Variants in APC observed in about 807,000 individuals in gnomAD.
APC encodes APC regulator of Wnt signaling pathway.
APC carries 72 observed loss-of-function variants against 247.0 expected under a neutral mutation model. That is an observed-to-expected ratio of 0.29 (90% CI 0.24 to 0.35). The LOEUF (loss-of-function observed/expected upper bound fraction) is 0.35. Among genes scored for constraint, APC ranks in the 10% least tolerant of loss-of-function variants. APC has a pLI of 1.00. For missense variants in APC, 3,400 were observed against 3,360.7 expected, an observed-to-expected ratio of 1.01 and a Z score of -0.29; for synonymous variants, 1,254 against 1,162.5, an observed-to-expected ratio of 1.08 and a Z score of -1.60.
At chr5:112,725,046 C>T (rs190354090) in intron 1 of APC, among the ~76,000 whole-genome samples, 1 of 152,170 alleles carries the variant, frequency 6.6e-6, no homozygotes, top group East Asian at 1.9e-4. Context: ...TGCAGTGGCA[C>T]AGTCTTGGCT....
chr5:112,781,739 T>C (rs1288824556), intron 6 of APC, among the ~76,000 whole-genome samples: 1 of 152,176 alleles, frequency 6.6e-6, no homozygotes, highest in Non-Finnish European at 1.5e-5. Flanking sequence ...TTTATTTTTT[T>C]TGTGACACTT....
At position 112,843,170 on chromosome 5, in the gene APC, C is replaced by T. The variant is rs1766514875; in HGVS notation, c.7576C>T (p.His2526Tyr). ...TAATGATGGAAGACCAGCAAAGCGCCATGATATTGCACGGTCTCATTCTGA... is the reference window on the plus strand; with the variant it reads ...TAATGATGGAAGACCAGCAAAGCGCTATGATATTGCACGGTCTCATTCTGA... The part of the protein sequence containing the change: ...EYNDGRPAKR[H>Y]DIARSHSESP... Residue 2526 changes from histidine to tyrosine, a missense_variant, in exon 16 of 16, where the codon CAT (histidine) becomes TAT (tyrosine). His to Tyr is a moderately conservative substitution (Grantham distance 83). Around this residue, in one of 9 missense-constraint regions of APC, gnomAD observed 1,788 missense variants for 1,649.5 expected, o/e 1.08. Coordinates refer to ENST00000257430, the MANE Select transcript of APC (RefSeq NM_000038.6). This position sits in a 1 kb window ranked among gnomAD's most constrained non-coding sequence, Gnocchi z 4.8. The T allele has an allele frequency of 6.2e-7, 1 of 1,613,338 alleles. No homozygotes were observed. The highest frequency in any genetic ancestry group is 1.1e-5 in the South Asian group (1 of 91,064).
chr5:112,724,940 T>C (rs1323454371), intron 1 of APC, among the ~76,000 whole-genome samples: 1 of 152,118 alleles, frequency 6.6e-6, no homozygotes, highest in Non-Finnish European at 1.5e-5. Flanking sequence ...AAAATACTAA[T>C]CTTGAAGGGT....
intron 5 of APC, chr5:112,778,564 T>TTTTTTA (rs1757955765): frequency 6.6e-6 from 1 of 151,616 alleles, no homozygotes; most frequent in African/African-American, 2.4e-5. Context: ...TTTTTTTTTT[T>TTTTTTA]GAGATGGAGT....
intron 8 of APC, among the ~76,000 whole-genome samples, chr5:112,814,994 C>T (rs541914346): frequency 1.8e-4 from 27 of 152,296 alleles, no homozygotes; most frequent in Non-Finnish European, 2.4e-4. Flanking sequence ...TCTTCTACTG[C>T]GGTGTTTATA....
chr5:112,828,508 A>G (rs1306874607), intron 13 of APC, among the ~76,000 whole-genome samples: 1 of 151,478 alleles, frequency 6.6e-6, no homozygotes, highest in Non-Finnish European at 1.5e-5. Context: ...GCTGGAGTGC[A>G]GTGGTGCGAT....
upstream of APC, among the ~76,000 whole-genome samples, chr5:112,737,695 G>C (rs954109176): frequency 2.0e-5 from 3 of 152,256 alleles, no homozygotes; most frequent in Admixed American, 1.3e-4. Flanking sequence ...GGCTAGGCAG[G>C]CTGTGCGGTT....
intron 1 of APC, 118 bp downstream of exon 1, chr5:112,738,043 C>A: frequency 1.5e-6 from 1 of 670,698 alleles, no homozygotes; most frequent in Non-Finnish European, 1.8e-6. Flanking sequence ...TGCAGCATGC[C>A]AAACGAGGAG....
chr5:112,773,323 G>A (rs978023598), intron 4 of APC, among the ~76,000 whole-genome samples: 3 of 152,098 alleles, frequency 2.0e-5, no homozygotes, highest in South Asian at 2.1e-4. Context: ...AGTGGGGAAC[G>A]TCTCTCTGTA....
upstream of APC, among the ~76,000 whole-genome samples, chr5:112,734,389 G>C (rs1234981541): frequency 2.0e-5 from 3 of 152,114 alleles, no homozygotes; most frequent in Non-Finnish European, 4.4e-5. Flanking sequence ...CTCTTCTTAG[G>C]CTTTTCCATC....
chr5:112,828,022 T>C lies in APC; in HGVS notation c.1626+16T>C. On this transcript the variant is annotated intron_variant, in intron 13 of 15. Transcript: ENST00000257430. ...CTTACAGCAGGTACTATTTAGAATT[T>C]CACCTGTTTTTCTTTTTTCTCTTTT... 6.2e-7 allele frequency: 1 copy of C among 1,607,232 alleles called. No homozygotes were observed. Among genetic ancestry groups the C allele is most frequent in the Non-Finnish European group, 8.5e-7 (1 of 1,175,444 alleles).
At chr5:112,764,730 G>A (rs1207236907) in intron 2 of APC, among the ~76,000 whole-genome samples, 3 of 152,144 alleles carry the variant, frequency 2.0e-5, no homozygotes, top group Non-Finnish European at 4.4e-5. Context: ...GGAAGCCTGA[G>A]AAATAAGGAT....
chr5:112,838,199 A>G lies in APC; in HGVS notation c.2605A>G (p.Asn869Asp), dbSNP rs2149873468. The change falls in exon 16 of 16, where the codon AAT (asparagine) becomes GAT (aspartate). Residue 869 changes from asparagine to aspartate, a missense_variant. Asn to Asp is a conservative substitution (Grantham distance 23). Transcript: ENST00000257430. ...GLGNYHPATENPGTSSKRGLQ... is the reference protein window; with the variant it reads ...GLGNYHPATEDPGTSSKRGLQ... ...AGGCAACTACCATCCAGCAACAGAAAATCCAGGAACTTCTTCAAAGCGAGG... is the reference window on the plus strand; with the variant it reads ...AGGCAACTACCATCCAGCAACAGAAGATCCAGGAACTTCTTCAAAGCGAGG... 6.2e-7 allele frequency: 1 copy of G among 1,614,160 alleles called. No homozygotes were observed. Among genetic ancestry groups the G allele is most frequent in the Non-Finnish European group, 8.5e-7 (1 of 1,180,018 alleles).
At chr5:112,738,817 T>A (rs1752642217) in intron 1 of APC, among the ~76,000 whole-genome samples, 1 of 152,234 alleles carries the variant, frequency 6.6e-6, no homozygotes, top group Non-Finnish European at 1.5e-5. Context: ...TGTTTTGTCA[T>A]TGGAATGTAT....
chr5:112,809,463 A>G (rs1761757537), intron 8 of APC, among the ~76,000 whole-genome samples: 2 of 152,192 alleles, frequency 1.3e-5, no homozygotes, highest in East Asian at 1.9e-4. Flanking sequence ...TACATCCCCA[A>G]TGAGTATACA....
intron 14 of APC, among the ~76,000 whole-genome samples, chr5:112,830,628 C>G (rs575153126): frequency 6.6e-6 from 1 of 152,164 alleles, no homozygotes; most frequent in Non-Finnish European, 1.5e-5. Context: ...TAGTCAAAAA[C>G]TAGAAATAAC....
At chr5:112,712,174 C>T (rs76047938) in intron 1 of APC, among the ~76,000 whole-genome samples, 1,568 of 152,290 alleles carry the variant, frequency 0.01, 84 homozygotes, top group Admixed American at 0.073. Context: ...CTCAAGGTTC[C>T]ATATGCTTTT....
intron 1 of APC, chr5:112,707,946 C>T: frequency 7.7e-7 from 1 of 1,300,644 alleles, no homozygotes; most frequent in Non-Finnish European, 1.0e-6. Flanking sequence ...TGCCCCGCCG[C>T]TGCTCGGGAC....
Position 112,788,672 on chromosome 5 carries a change from T to C in APC, c.646-3774T>C, listed in dbSNP as rs2431238. On this transcript the variant is annotated intron_variant, in intron 6 of 15. Coordinates refer to ENST00000257430, the MANE Select transcript of APC (RefSeq NM_000038.6). The stretch of plus-strand genomic sequence containing the variant: ...CTTCAATAAGGTTTTGTCAAATTCT[T>C]CACAGGGGTCTTACATATCATTTAA... Among the ~76,000 whole-genome samples the C allele has an allele frequency of 0.68, 103,454 of 152,000 alleles. 35,585 individuals carry two copies. Among genetic ancestry groups the C allele is most frequent in the East Asian group, 0.9 (4,677 of 5,186 alleles).
Sources: gnomAD v4.1 joint callset for allele counts (sites outside exome capture counted in the v4.1 genomes callset) on GRCh38, gnomAD v4.1.1 for gene constraint, gnomAD v4.1.1 regional missense constraint, Gnocchi (gnomAD v3.1) non-coding constraint, MANE v1.5 for transcripts, NCBI Gene and HGNC (gene_info 2026-07-23, HGNC 2026-07-21) for gene names.